Variants in TENT4A observed in about 807,000 individuals in gnomAD.
The protein encoded by TENT4A is terminal nucleotidyltransferase 4A, also known as DNA polymerase kappa.
A neutral mutation model predicts 72.8 loss-of-function variants in TENT4A; 7 were observed. That is an observed-to-expected ratio of 0.10 (90% CI 0.05 to 0.18). The LOEUF (loss-of-function observed/expected upper bound fraction) is 0.18. Ranked by LOEUF, TENT4A falls within the 10% of genes least tolerant of loss-of-function variation. The pLI is 1.00. For synonymous variants in TENT4A, 456 were observed against 434.3 expected (o/e 1.05, Z -0.62); for missense variants, 831 against 1,017.7 (o/e 0.82, Z 2.50).
chr5:6,719,984 C>G (rs893994650), intron 1 of TENT4A, among the ~76,000 whole-genome samples: 9 of 152,178 alleles, frequency 5.9e-5, no homozygotes, highest in Non-Finnish European at 2.9e-5. Context: ...CTCTTACCAG[C>G]ACATTCCTGT....
chr5:6,721,842 C>A (rs1035405990), intron 1 of TENT4A, among the ~76,000 whole-genome samples: 2 of 152,184 alleles, frequency 1.3e-5, no homozygotes, highest in African/African-American at 4.8e-5. Context: ...ACCAGTTAGG[C>A]TCTCCTGTGG....
At chr5:6,736,700 G>A (rs894033011) in intron 1 of TENT4A, among the ~76,000 whole-genome samples, 1 of 152,224 alleles carries the variant, frequency 6.6e-6, no homozygotes, top group African/African-American at 2.4e-5. Context: ...GGAGCCCATG[G>A]GGTGACAGGA....
intron 1 of TENT4A, among the ~76,000 whole-genome samples, chr5:6,727,279 C>T (rs1284617565): frequency 6.6e-6 from 1 of 152,162 alleles, no homozygotes; most frequent in Non-Finnish European, 1.5e-5. Context: ...TCACCAAAAC[C>T]CCTCCCACCT....
chr5:6,739,766 C>T lies in TENT4A; in HGVS notation c.922C>T (p.Arg308Cys), dbSNP rs768737746. Reference sequence around the variant, plus strand: ...CCTGGTGGTCTTCGGGAAATGGGAGCGTCCTCCTTTACAGCTGCTGGAGCA... The same window carrying T: ...CCTGGTGGTCTTCGGGAAATGGGAGTGTCCTCCTTTACAGCTGCTGGAGCA... ...IDLVVFGKWE[R>C]PPLQLLEQAL... The change falls in exon 4 of 13, where the codon CGT (arginine) becomes TGT (cysteine). Residue 308 changes from arginine to cysteine, a missense_variant. Arg to Cys is a radical substitution (Grantham distance 180, BLOSUM62 -3). Transcript: ENST00000230859. 9.9e-6 allele frequency: 16 copies of T among 1,614,070 alleles called. No individual in the cohort carries two copies. Among genetic ancestry groups the T allele is most frequent in the Middle Eastern group, 1.6e-4 (1 of 6,062 alleles).
intron 1 of TENT4A, chr5:6,714,993 C>T (rs79746749): frequency 0.021 from 3,999 of 191,714 alleles, 64 homozygotes; most frequent in South Asian, 0.042. Context: ...GACTCTCTAC[C>T]CCTCCACCCC....
At chr5:6,737,909 G>GGTT (rs769311441) in intron 2 of TENT4A, among the ~76,000 whole-genome samples, 7 of 129,084 alleles carry the variant, frequency 5.4e-5, no homozygotes, top group East Asian at 2.3e-4. Context: ...GATTTGTTGG[G>GGTT]TTTTTTTTTT....
At chr5:6,732,412 A>T (rs1252158266) in intron 1 of TENT4A, among the ~76,000 whole-genome samples, 3 of 152,238 alleles carry the variant, frequency 2.0e-5, no homozygotes, top group African/African-American at 7.2e-5. Flanking sequence ...TAACTGTAGG[A>T]TCCTTCTTTT....
intron 9 of TENT4A, 26 bp downstream of exon 9, chr5:6,749,683 A>T (rs775905124): frequency 1.0e-5 from 15 of 1,452,216 alleles, no homozygotes; most frequent in Non-Finnish European, 1.5e-5. Context: ...ATTTGTGTTC[A>T]TCCTAACCAC....
chr5:6,722,019 T>A (rs907348879), intron 1 of TENT4A, among the ~76,000 whole-genome samples: 2 of 152,210 alleles, frequency 1.3e-5, no homozygotes, highest in African/African-American at 4.8e-5. Context: ...TCGAATGTAT[T>A]TTGATGTTTC....
rs1436496468 is a variant in TENT4A at position 6,713,716 on chromosome 5, C to G, written c.-268C>G. The G allele has an allele frequency of 1.4e-5, 2 of 146,474 alleles. No individual in the cohort carries two copies. The highest frequency in any genetic ancestry group is 6.8e-5 in the Admixed American group (1 of 14,664). 9.1% of individuals were successfully genotyped at this position (146,474 alleles called of 1,614,324 possible). On this transcript the variant is annotated 5_prime_UTR_variant, in exon 1 of 13. Coordinates refer to ENST00000230859, the MANE Select transcript of TENT4A (RefSeq NM_006999.6). ...AGCGGGAGCCCGGAGACCGCAGCCG[C>G]CCGCTGGGACGCGCCAAGCGCCGGA...
At chr5:6,741,267 C>CA (rs750734821) in intron 4 of TENT4A, among the ~76,000 whole-genome samples, 2 of 152,182 alleles carry the variant, frequency 1.3e-5, no homozygotes, top group African/African-American at 2.4e-5. Context: ...CACTGTGCAG[C>CA]CGGCCAGTCA....
At chr5:6,715,945 G>A (rs1358044143) in intron 1 of TENT4A, among the ~76,000 whole-genome samples, 2 of 152,188 alleles carry the variant, frequency 1.3e-5, no homozygotes, top group African/African-American at 2.4e-5. Context: ...GTGGTTGGGA[G>A]CAGTTTCTTC....
intron 1 of TENT4A, among the ~76,000 whole-genome samples, chr5:6,734,466 C>A (rs1741367175): frequency 6.6e-6 from 1 of 152,254 alleles, no homozygotes; most frequent in Admixed American, 6.5e-5. Flanking sequence ...TCGTGCGGCA[C>A]CTTGCTGGTC....
In TENT4A at chr5:6,723,347, C is replaced by T. The variant is rs150164313; in HGVS notation, c.716+8648C>T. Among the ~76,000 whole-genome samples, 67 of 152,320 alleles carry T rather than the reference C, an allele frequency of 4.4e-4. 1 individual carries two copies. In the East Asian group the frequency reaches 9.7e-3, roughly 22 times the overall value. On this transcript the variant is annotated intron_variant, in intron 1 of 12. Transcript: ENST00000230859. ...GCACGCAGGTTAATGATGGTGCAGA[C>T]GGTCACTTCCTTCTCTCAACAGTCT... is the stretch of plus-strand genomic sequence containing the variant.
chr5:6,721,437 A>G (rs1314015894), intron 1 of TENT4A, among the ~76,000 whole-genome samples: 1 of 152,250 alleles, frequency 6.6e-6, no homozygotes, highest in Admixed American at 6.5e-5. Context: ...TCTATACTGT[A>G]TTTGAAAAAC....
chr5:6,730,490 C>T (rs1443902365), intron 1 of TENT4A, among the ~76,000 whole-genome samples: 3 of 152,290 alleles, frequency 2.0e-5, no homozygotes, highest in African/African-American at 4.8e-5. Flanking sequence ...CAGGGGAGTG[C>T]GCCCTCCTCC....
chr5:6,727,904 G>C (rs769156148), intron 1 of TENT4A, among the ~76,000 whole-genome samples: 1 of 152,168 alleles, frequency 6.6e-6, no homozygotes, highest in Non-Finnish European at 1.5e-5. Context: ...TGCAGACCAC[G>C]AATCCCATCT....
chr5:6,748,790 A>T (rs1312958459), intron 8 of TENT4A, among the ~76,000 whole-genome samples, 200 bp downstream of exon 8: 1 of 152,012 alleles, frequency 6.6e-6, no homozygotes, highest in Non-Finnish European at 1.5e-5. Flanking sequence ...AGAGTTGAAA[A>T]TTTCTTTCTT....
At chr5:6,751,613 G>A (rs1742413035) in intron 11 of TENT4A, 1 of 159,232 alleles carries the variant, frequency 6.3e-6, no homozygotes, top group Non-Finnish European at 1.4e-5. Flanking sequence ...GAACTTATTA[G>A]ACTTTTTTCA....
Sources: allele counts gnomAD v4.1 joint callset (sites outside exome capture counted in the v4.1 genomes callset), GRCh38; gene constraint gnomAD v4.1.1; transcripts MANE v1.5; gene names NCBI Gene and HGNC (gene_info 2026-07-23, HGNC 2026-07-21).